CDH3: variants seen among roughly 807,000 people sequenced by gnomAD.
CDH3 encodes the protein cadherin 3, also known as cadherin-3.
CDH3 carries 54 observed loss-of-function variants against 82.0 expected under a neutral mutation model. The ratio of observed to expected loss-of-function variants is 0.66; its 90% CI spans 0.53 to 0.83. CDH3 has a LOEUF of 0.83. Ranked by LOEUF, CDH3 falls within the 40% of genes least tolerant of loss-of-function variation. The pLI is 0.00. For synonymous variants in CDH3, 446 were observed against 437.9 expected, an observed-to-expected ratio of 1.02 and a Z score of -0.23; for missense variants, 1,054 against 1,084.6, an observed-to-expected ratio of 0.97 and a Z score of 0.40.
intron 1 of CDH3, among the ~76,000 whole-genome samples, chr16:68,720,389 C>T (rs1461487854): frequency 6.6e-6 from 1 of 152,108 alleles, no homozygotes; most frequent in Non-Finnish European, 1.5e-5. Flanking sequence ...GTTTGTCAAG[C>T]CCAGCCTGAC....
At chr16:68,689,590 T>C (rs980152817) in intron 12 of CDH3, among the ~76,000 whole-genome samples, 1 of 151,270 alleles carries the variant, frequency 6.6e-6, no homozygotes, top group Non-Finnish European at 1.5e-5. Flanking sequence ...TAGTCACCAC[T>C]GCCATCGTCA....
At chr16:68,678,702 G>A in intron 5 of CDH3, 46 bp downstream of exon 5, 1 of 1,614,146 alleles carries the variant, frequency 6.2e-7, no homozygotes. Flanking sequence ...TCAGAAGTGG[G>A]ATCCTAGGCC....
At chr16:68,690,229 G>A (rs1393470662) in intron 12 of CDH3, among the ~76,000 whole-genome samples, 2 of 152,168 alleles carry the variant, frequency 1.3e-5, no homozygotes, top group East Asian at 1.9e-4. Context: ...CTGCATTTGT[G>A]TGATCACTAA....
intron 2 of CDH3, chr16:68,650,970 G>A (rs1597788982): frequency 2.8e-5 from 6 of 217,252 alleles, no homozygotes; most frequent in Admixed American, 4.8e-5. Flanking sequence ...GGAAAACGTA[G>A]AAAAACACCA....
chr16:68,727,673 C>A (rs1962233247), downstream of CDH3, among the ~76,000 whole-genome samples: 1 of 152,080 alleles, frequency 6.6e-6, no homozygotes, highest in African/African-American at 2.4e-5. Context: ...CTTTCAGAAG[C>A]CAAGGTGGGT....
intron 2 of CDH3, chr16:68,645,996 G>T: frequency 1.8e-6 from 1 of 542,162 alleles, no homozygotes; most frequent in Non-Finnish European, 3.3e-6. Context: ...CCCCTCCTCC[G>T]AGATGCCGGA....
rs1262158117 is a variant in CDH3 at position 68,696,300 on chromosome 16, T to A, written c.2280+377T>A. Reference sequence around the variant, plus strand: ...CAGGCATGGTGGCGGGCACCTGTAGTCCCAGCTACTCGGGAGGCTGAGCAC... The same window carrying A: ...CAGGCATGGTGGCGGGCACCTGTAGACCCAGCTACTCGGGAGGCTGAGCAC... On this transcript the variant is annotated intron_variant, in intron 15 of 15. Coordinates refer to ENST00000264012, the MANE Select transcript of CDH3 (RefSeq NM_001793.6). 3 of 341,996 alleles carry A rather than the reference T, an allele frequency of 8.8e-6. No homozygotes were observed. The East Asian group carries it at 2.3e-4, about 26-fold the overall frequency. 21.2% of individuals were successfully genotyped at this position (341,996 alleles called of 1,614,324 possible).
chr16:68,704,130 C>CA (rs1012490759), downstream of CDH3, among the ~76,000 whole-genome samples: 2 of 149,880 alleles, frequency 1.3e-5, no homozygotes, highest in African/African-American at 4.9e-5. Flanking sequence ...ACTAAAAATA[C>CA]AAAAAAATTA....
At chr16:68,662,619 T>C (rs1047626622) in intron 2 of CDH3, among the ~76,000 whole-genome samples, 2 of 142,588 alleles carry the variant, frequency 1.4e-5, no homozygotes, top group African/African-American at 5.2e-5. Context: ...ACGATCTCAC[T>C]GCAAGAAGCT....
intron 2 of CDH3, among the ~76,000 whole-genome samples, chr16:68,725,458 G>T (rs949447373): frequency 2.0e-5 from 3 of 151,490 alleles, no homozygotes; most frequent in Non-Finnish European, 4.4e-5. Context: ...CTCAGTCTCC[G>T]GAGTAGCTGG....
intron 2 of CDH3, among the ~76,000 whole-genome samples, chr16:68,726,770 G>A (rs538912498): frequency 1.1e-4 from 17 of 152,028 alleles, no homozygotes; most frequent in Admixed American, 2.6e-4. Flanking sequence ...TAGTAGAGAC[G>A]GGGTATCACC....
chr16:68,695,575 T>A (rs978385333), intron 14 of CDH3, among the ~76,000 whole-genome samples, 190 bp downstream of exon 14: 2 of 152,248 alleles, frequency 1.3e-5, no homozygotes, highest in African/African-American at 4.8e-5. Context: ...CTAGCCAAGT[T>A]AACCTCAAGC....
chr16:68,664,748 TC>T (rs1157932517), intron 2 of CDH3, among the ~76,000 whole-genome samples: 1 of 151,954 alleles, frequency 6.6e-6, no homozygotes, highest in Non-Finnish European at 1.5e-5. Context: ...AGCCTTGATC[TC>T]CCAGGCTCAG....
At chr16:68,723,290 A>G (rs556572420) in intron 2 of CDH3, among the ~76,000 whole-genome samples, 366 of 152,208 alleles carry the variant, frequency 2.4e-3, no homozygotes, top group Middle Eastern at 6.8e-3. Context: ...TATTCATAAC[A>G]TTTACATTTT....
chr16:68,729,342 A>T (rs967409761), downstream of CDH3, among the ~76,000 whole-genome samples: 1 of 152,164 alleles, frequency 6.6e-6, no homozygotes, highest in Non-Finnish European at 1.5e-5. Context: ...TACAGAACAA[A>T]TGACCCTGTG....
At chr16:68,690,067 C>T (rs1961522696) in intron 12 of CDH3, among the ~76,000 whole-genome samples, 1 of 152,182 alleles carries the variant, frequency 6.6e-6, no homozygotes. Flanking sequence ...AGCCCCTTCT[C>T]CACTCTGGGA....
chr16:68,725,777 A>G (rs755762234), intron 2 of CDH3, among the ~76,000 whole-genome samples: 3 of 152,036 alleles, frequency 2.0e-5, no homozygotes, highest in Non-Finnish European at 4.4e-5. Context: ...GATTCAGGCC[A>G]GCATGGTGGC....
chr16:68,645,467 T>A, intron 1 of CDH3, 43 bp downstream of exon 1: 1 of 1,602,480 alleles, frequency 6.2e-7, no homozygotes, highest in Non-Finnish European at 8.5e-7. Flanking sequence ...GACCGCTCCC[T>A]GGGGGGCGGG....
At chr16:68,646,609 G>GT (rs1436551487) in intron 2 of CDH3, among the ~76,000 whole-genome samples, 1 of 152,122 alleles carries the variant, frequency 6.6e-6, no homozygotes, top group Non-Finnish European at 1.5e-5. Context: ...TTGCTGGCTA[G>GT]TGGAGGGCTT....
Sources: allele counts gnomAD v4.1 joint callset (sites outside exome capture counted in the v4.1 genomes callset), GRCh38; gene constraint gnomAD v4.1.1; transcripts MANE v1.5; gene names NCBI Gene and HGNC (gene_info 2026-07-23, HGNC 2026-07-21).